Variants in CLIC5 observed in about 807,000 individuals in gnomAD.
CLIC5 encodes the protein CLIC family member 5, also known as chloride intracellular channel protein 5.
Under a neutral mutation model 24.7 loss-of-function variants are expected in CLIC5, and 20 were observed. The ratio of observed to expected loss-of-function variants is 0.81; its 90% CI spans 0.57 to 1.18. The LOEUF is 1.18. Ranked by LOEUF, CLIC5 falls within the 50% of genes most tolerant of loss-of-function variation. The pLI, the probability that CLIC5 is intolerant of heterozygous loss-of-function variation, is 0.00. For missense variants in CLIC5, 341 were observed against 326.1 expected (o/e 1.05, Z -0.35); for synonymous variants, 159 against 135.6 (o/e 1.17, Z -1.20).
intron 1 of CLIC5, among the ~76,000 whole-genome samples, chr6:45,977,124 G>T (rs1236671474): frequency 6.6e-6 from 1 of 152,110 alleles, no homozygotes; most frequent in Admixed American, 6.5e-5. Context: ...TAAATAAACA[G>T]ATTGGGTGAT....
At chr6:45,884,722 A>G (rs1052988065) in intron 6 of CLIC5, among the ~76,000 whole-genome samples, 7 of 152,158 alleles carry the variant, frequency 4.6e-5, no homozygotes, top group Admixed American at 3.9e-4. Context: ...CATGGCAGGT[A>G]GACTACTTTT....
intron 1 of CLIC5, among the ~76,000 whole-genome samples, chr6:45,985,151 G>A (rs909118556): frequency 6.6e-6 from 1 of 152,204 alleles, no homozygotes; most frequent in African/African-American, 2.4e-5. Context: ...TCCACATAGA[G>A]AGGGAAACCT....
chr6:46,081,626 G>A (rs1417596890), upstream of CLIC5, among the ~76,000 whole-genome samples: 6 of 152,104 alleles, frequency 3.9e-5, no homozygotes, highest in East Asian at 1.2e-3. Flanking sequence ...ATTTTGATAG[G>A]TTCTATAATC....
chr6:45,988,900 G>A (rs1033395845), intron 1 of CLIC5, among the ~76,000 whole-genome samples: 2 of 152,138 alleles, frequency 1.3e-5, no homozygotes, highest in Non-Finnish European at 2.9e-5. Flanking sequence ...ACTGGCAGAG[G>A]GGGAATGACC....
chr6:45,931,254 T>A (rs756729645), intron 4 of CLIC5, among the ~76,000 whole-genome samples: 1 of 152,130 alleles, frequency 6.6e-6, no homozygotes, highest in African/African-American at 2.4e-5. Flanking sequence ...TGACCCTATA[T>A]AGAGAAAGTT....
At chr6:45,920,280 C>T (rs560986383) in intron 4 of CLIC5, 15 of 984,776 alleles carry the variant, frequency 1.5e-5, no homozygotes, top group Middle Eastern at 5.2e-4. Flanking sequence ...TTCAACTCTG[C>T]CTGTACTAGG....
At chr6:45,962,282 T>C (rs1391982421) in intron 1 of CLIC5, among the ~76,000 whole-genome samples, 2 of 151,512 alleles carry the variant, frequency 1.3e-5, no homozygotes, top group African/African-American at 4.9e-5. Flanking sequence ...TGTGGAGGCT[T>C]GGTGTGTTCA....
At chr6:45,984,792 G>A (rs926386452) in intron 1 of CLIC5, among the ~76,000 whole-genome samples, 5 of 152,180 alleles carry the variant, frequency 3.3e-5, no homozygotes, top group African/African-American at 1.2e-4. Context: ...AATTCATTGA[G>A]GTTTCCATGA....
chr6:46,040,266 G>A (rs1425832423), intron 1 of CLIC5, among the ~76,000 whole-genome samples: 3 of 152,140 alleles, frequency 2.0e-5, no homozygotes, highest in Admixed American at 1.3e-4. Flanking sequence ...GTTGTTTGTT[G>A]GTGGTGTTGT....
the CLIC5 span, among the ~76,000 whole-genome samples, chr6:46,117,636 C>T: frequency 6.6e-6 from 1 of 152,062 alleles, no homozygotes; most frequent in Non-Finnish European, 1.5e-5. Context: ...TTTTGTAGTA[C>T]CATAGTTTGA....
In CLIC5 at chr6:45,885,438, C is replaced by T. The variant is rs576922806; in HGVS notation, c.624-4250G>A. 9.9e-5 allele frequency among the ~76,000 whole-genome samples: 15 copies of T among 152,274 alleles called. No individual in the cohort carries two copies. The South Asian group carries it at 2.7e-3, about 27-fold the overall frequency. ...TTATAGCAGCCCATACTAAATACCT[C>T]CCCTAAATATTTTAGTCATGTTATG... On this transcript the variant is annotated intron_variant, in intron 6 of 6. Transcript: ENST00000644324.
rs1418948585 is a variant in CLIC5, at chr6:46,060,685, G to C, written c.540+19018C>G. On this transcript the variant is annotated intron_variant, in intron 1 of 5. Coordinates refer to the CLIC5 transcript ENST00000185206. ...AGGACAATGTAATTGCTGAGGCCTG[G>C]AATCTCTTCCCTGATCCTACCTGCC... 2.0e-5 allele frequency among the ~76,000 whole-genome samples: 3 copies of C among 152,124 alleles called. No individual in the cohort carries two copies. The East Asian group carries it at 5.8e-4, about 29-fold the overall frequency.
At chr6:45,896,079 C>T (rs1328193636), downstream of CLIC5, among the ~76,000 whole-genome samples, 1 of 152,102 alleles carries the variant, frequency 6.6e-6, no homozygotes, top group Admixed American at 6.5e-5. Flanking sequence ...AATTGCAGGG[C>T]CTCAGGGTCA....
chr6:45,937,416 A>G (rs911991221), intron 4 of CLIC5: 1 of 152,264 alleles, frequency 6.6e-6, no homozygotes, highest in African/African-American at 2.4e-5. Flanking sequence ...TTATTGCCAG[A>G]TAAAGAAACT....
intron 1 of CLIC5, among the ~76,000 whole-genome samples, chr6:45,993,584 C>CCCCT (rs59821639): frequency 0.26 from 39,220 of 151,888 alleles, 5,484 homozygotes; most frequent in East Asian, 0.49. Flanking sequence ...GGAGAGAAAA[C>CCCCT]CCCTCTCTTG....
At chr6:46,101,452 A>C in the CLIC5 span, among the ~76,000 whole-genome samples, 1 of 152,244 alleles carries the variant, frequency 6.6e-6, no homozygotes, top group South Asian at 2.1e-4. Flanking sequence ...ACAAAGTGGA[A>C]TGTGTTCAGA....
At chr6:46,059,165 T>A (rs1264088192) in intron 1 of CLIC5, among the ~76,000 whole-genome samples, 1 of 152,242 alleles carries the variant, frequency 6.6e-6, no homozygotes, top group East Asian at 1.9e-4. Context: ...GATTTTCTTG[T>A]CTGCCTCTAA....
intron 1 of CLIC5, among the ~76,000 whole-genome samples, chr6:45,992,320 C>G (rs1254657729): frequency 6.6e-6 from 1 of 152,166 alleles, no homozygotes. Context: ...AACAGGCAGC[C>G]TTTCCAGAGA....
intron 1 of CLIC5, among the ~76,000 whole-genome samples, chr6:46,038,539 G>C (rs1767724948): frequency 6.6e-6 from 1 of 152,200 alleles, no homozygotes; most frequent in African/African-American, 2.4e-5. Context: ...ATGGAAATGA[G>C]AGTGAAAAAG....
Sources: allele counts gnomAD v4.1 joint callset (sites outside exome capture counted in the v4.1 genomes callset), GRCh38; gene constraint gnomAD v4.1.1; transcripts MANE v1.5; gene names NCBI Gene and HGNC (gene_info 2026-07-23, HGNC 2026-07-21).